The following ROBO1 variants were observed in gnomAD, a reference collection of about 807,000 sequenced individuals.
ROBO1 encodes the protein roundabout homolog 1.
Under a neutral mutation model 195.9 loss-of-function variants are expected in ROBO1, and 149 were observed. That is an observed-to-expected ratio of 0.76 (90% CI 0.67 to 0.87). ROBO1 has a LOEUF of 0.87. ROBO1 is among the 40% of genes least tolerant of loss of function. The pLI, the probability that ROBO1 is intolerant of heterozygous loss-of-function variation, is 0.00. For missense variants in ROBO1, 1,933 were observed against 2,068.3 expected (o/e 0.93, Z 1.27); for synonymous variants, 816 against 733.2 (o/e 1.11, Z -1.82).
intron 1 of ROBO1, among the ~76,000 whole-genome samples, chr3:79,733,476 A>G (rs1703242343): frequency 1.3e-5 from 2 of 152,150 alleles, no homozygotes; most frequent in South Asian, 4.1e-4. Flanking sequence ...ATCTTTCACT[A>G]TACTTATCTC....
intron 18 of ROBO1, among the ~76,000 whole-genome samples, chr3:78,652,507 C>T (rs2107623939): frequency 6.6e-6 from 1 of 152,172 alleles, no homozygotes; most frequent in African/African-American, 2.4e-5. Flanking sequence ...TATTGTAAGA[C>T]ATTTCATTGT....
At chr3:79,321,472 A>G (rs1486614714) in intron 2 of ROBO1, among the ~76,000 whole-genome samples, 1 of 152,160 alleles carries the variant, frequency 6.6e-6, no homozygotes, top group East Asian at 1.9e-4. Context: ...TAGATGTGCA[A>G]TAGGATACTA....
chr3:78,865,557 C>T (rs1355671255), intron 4 of ROBO1, among the ~76,000 whole-genome samples: 7 of 151,022 alleles, frequency 4.6e-5, no homozygotes, highest in South Asian at 2.1e-4. Flanking sequence ...CTGCAAGCTC[C>T]GCCTCCCAGG....
At chr3:78,660,562 G>A (rs554592048) in intron 16 of ROBO1, 1 of 153,168 alleles carries the variant, frequency 6.5e-6, no homozygotes, top group Non-Finnish European at 1.5e-5. Context: ...TAGGAATAGG[G>A]TGGTCAGCTA....
intron 3 of ROBO1, among the ~76,000 whole-genome samples, chr3:78,988,642 T>C (rs534442810): frequency 2.6e-5 from 4 of 152,326 alleles, no homozygotes; most frequent in Admixed American, 6.5e-5. Context: ...TTTGGTGCAT[T>C]ATTTCTGTCA....
intron 1 of ROBO1, among the ~76,000 whole-genome samples, chr3:79,737,723 T>C (rs1374901288): frequency 6.6e-6 from 1 of 151,974 alleles, no homozygotes; most frequent in African/African-American, 2.4e-5. Context: ...AAGTAAGTGA[T>C]TCATAAAAAT....
chr3:79,094,736 C>A (rs1449420907), intron 3 of ROBO1, among the ~76,000 whole-genome samples: 1 of 151,982 alleles, frequency 6.6e-6, no homozygotes, highest in African/African-American at 2.4e-5. Context: ...AAAACTCTGA[C>A]TTTTGTGAGG....
chr3:79,364,659 A>G (rs2035899873), intron 2 of ROBO1, among the ~76,000 whole-genome samples: 1 of 152,112 alleles, frequency 6.6e-6, no homozygotes, highest in Admixed American at 6.5e-5. Context: ...ATTTGCAGGG[A>G]TTAATCAATC....
chr3:78,772,274 C>G (rs1038215410), intron 4 of ROBO1, among the ~76,000 whole-genome samples: 3 of 151,964 alleles, frequency 2.0e-5, no homozygotes, highest in African/African-American at 2.4e-5. Flanking sequence ...CTTTATTGCT[C>G]TAATATTTAA....
chr3:79,219,646 G>C (rs937525854), intron 2 of ROBO1, among the ~76,000 whole-genome samples: 1 of 152,002 alleles, frequency 6.6e-6, no homozygotes, highest in African/African-American at 2.4e-5. Flanking sequence ...CCAAGCTCTT[G>C]TGAACAGTGC....
chr3:79,606,051 T>TATATATATATAC (rs1160717630), intron 1 of ROBO1, among the ~76,000 whole-genome samples: 2 of 151,186 alleles, frequency 1.3e-5, no homozygotes, highest in African/African-American at 4.9e-5. Context: ...TATATATATA[T>TATATATATATAC]ACACCCATTT....
chr3:78,909,301 C>T (rs1304907952), intron 4 of ROBO1, among the ~76,000 whole-genome samples: 1 of 151,572 alleles, frequency 6.6e-6, no homozygotes, highest in East Asian at 1.9e-4. Flanking sequence ...ACAAAAATTG[C>T]ATATATATAC....
At chr3:79,511,255 C>T (rs1940688620) in intron 2 of ROBO1, among the ~76,000 whole-genome samples, 1 of 152,026 alleles carries the variant, frequency 6.6e-6, no homozygotes, top group Non-Finnish European at 1.5e-5. Flanking sequence ...AAATAATGGA[C>T]AATTAAATGA....
chr3:78,937,463 T>C (rs1454797834), intron 4 of ROBO1, among the ~76,000 whole-genome samples: 1 of 152,020 alleles, frequency 6.6e-6, no homozygotes, highest in Non-Finnish European at 1.5e-5. Flanking sequence ...ATAAAGTGAA[T>C]TTTATCTAAA....
chr3:78,661,930 T>C lies in ROBO1; in HGVS notation c.2088+63A>G, dbSNP rs1243324298. 3.3e-6 allele frequency: 5 copies of C among 1,536,128 alleles called. No homozygotes were observed. In the African/African-American group the frequency reaches 6.8e-5, roughly 21 times the overall value. On this transcript the variant is annotated intron_variant, in intron 15 of 30. Coordinates refer to ENST00000464233, the MANE Select transcript of ROBO1 (RefSeq NM_002941.4). ...GTAGGCAACAGATAGTTACATTTTA[T>C]ATGCATTGCAATGATCTCGCAGACG...
intron 2 of ROBO1, among the ~76,000 whole-genome samples, chr3:79,269,022 T>A (rs1216648737): frequency 2.0e-5 from 3 of 151,666 alleles, no homozygotes; most frequent in African/African-American, 7.2e-5. Flanking sequence ...CCAATTCGCT[T>A]TCCAGAGGGT....
chr3:78,698,338 T>C (rs1359988594), intron 8 of ROBO1, among the ~76,000 whole-genome samples: 4 of 152,194 alleles, frequency 2.6e-5, no homozygotes, highest in Admixed American at 2.6e-4. Context: ...CAGGATATTT[T>C]AATACTAGGT....
intron 3 of ROBO1, among the ~76,000 whole-genome samples, chr3:79,046,306 C>T (rs2078591023): frequency 6.6e-6 from 1 of 152,012 alleles, no homozygotes; most frequent in Non-Finnish European, 1.5e-5. Context: ...AGGGAGCTTG[C>T]AAAAGGGTCA....
At chr3:78,784,642 T>C (rs992631135) in intron 4 of ROBO1, among the ~76,000 whole-genome samples, 2 of 152,200 alleles carry the variant, frequency 1.3e-5, no homozygotes, top group East Asian at 1.9e-4. Flanking sequence ...AGAGTTCTTA[T>C]GGTACATGGA....
Sources: gnomAD v4.1 joint callset for allele counts (sites outside exome capture counted in the v4.1 genomes callset) on GRCh38, gnomAD v4.1.1 for gene constraint, MANE v1.5 for transcripts, NCBI Gene and HGNC (gene_info 2026-07-23, HGNC 2026-07-21) for gene names.